Variants in CRB1 observed in about 807,000 individuals in gnomAD.
The protein encoded by CRB1 is crumbs cell polarity complex component 1.
A neutral mutation model predicts 120.0 loss-of-function variants in CRB1; 83 were observed. The ratio of observed to expected loss-of-function variants is 0.69; its 90% CI spans 0.58 to 0.83. The LOEUF (loss-of-function observed/expected upper bound fraction) is 0.83, where lower values mean the gene tolerates loss of function less well. CRB1 is among the 40% of genes least tolerant of loss of function. The pLI, the probability that CRB1 is intolerant of heterozygous loss-of-function variation, is 0.00. For missense variants in CRB1, 1,699 were observed against 1,687.6 expected, an observed-to-expected ratio of 1.01 and a Z score of -0.12; for synonymous variants, 625 against 612.5, an observed-to-expected ratio of 1.02 and a Z score of -0.30.
At chr1:197,203,836 T>C in the CRB1 span, among the ~76,000 whole-genome samples, 494 of 152,334 alleles carry the variant, frequency 3.2e-3, 1 homozygote, top group African/African-American at 0.011. Context: ...GAACAGGTGG[T>C]ATTTGGTTAC....
At position 197,460,339 on chromosome 1, in the gene CRB1, T is replaced by C. The variant is rs1329850585; in HGVS notation, c.4006-17325T>C. Among the ~76,000 whole-genome samples the C allele has an allele frequency of 2.0e-5, 3 of 152,202 alleles. No homozygotes were observed. In the East Asian group the frequency reaches 5.8e-4, roughly 29 times the overall value. ...GATCAATATAAAAGGTGCCTTATAC[T>C]GAGCAGTGGTTGGTTTGAACATTTC... On this transcript the variant is annotated intron_variant, in intron 11 of 11. Coordinates refer to ENST00000367400, the MANE Select transcript of CRB1 (RefSeq NM_201253.3).
chr1:197,397,503 C>A (rs1360148527), intron 5 of CRB1, among the ~76,000 whole-genome samples: 1 of 152,106 alleles, frequency 6.6e-6, no homozygotes, highest in East Asian at 1.9e-4. Context: ...TACCCAAAAG[C>A]CTGTACACAA....
chr1:197,405,756 C>G (rs1256005467), intron 5 of CRB1, among the ~76,000 whole-genome samples: 1 of 151,720 alleles, frequency 6.6e-6, no homozygotes, highest in Non-Finnish European at 1.5e-5. Flanking sequence ...AGACCCTCCG[C>G]CTGGCAACCG....
At chr1:197,418,160 CTCAA>C (rs2125462558) in intron 5 of CRB1, among the ~76,000 whole-genome samples, 1 of 152,176 alleles carries the variant, frequency 6.6e-6, no homozygotes, top group Non-Finnish European at 1.5e-5. Flanking sequence ...TAGTTTTACC[CTCAA>C]TCAAATACTT....
intron 5 of CRB1, among the ~76,000 whole-genome samples, chr1:197,404,557 G>A (rs1663244497): frequency 6.6e-6 from 1 of 151,092 alleles, no homozygotes; most frequent in African/African-American, 2.4e-5. Flanking sequence ...AGCACCTTTG[G>A]TTTTATGGTT....
the CRB1 span, among the ~76,000 whole-genome samples, chr1:197,240,230 T>A: frequency 1.3e-4 from 20 of 152,302 alleles, no homozygotes; most frequent in African/African-American, 2.2e-4. Context: ...AACTTTTTTT[T>A]AATTATACTT....
chr1:197,375,948 G>A (rs182003541), intron 5 of CRB1, among the ~76,000 whole-genome samples: 39 of 151,994 alleles, frequency 2.6e-4, no homozygotes, highest in Non-Finnish European at 3.4e-4. Context: ...TTGTTACTTC[G>A]GTGAAAACTT....
chr1:197,267,370 T>TA (rs1177322426), upstream of CRB1, among the ~76,000 whole-genome samples: 1 of 152,212 alleles, frequency 6.6e-6, no homozygotes, highest in Non-Finnish European at 1.5e-5. Flanking sequence ...ATAATATTGA[T>TA]AAAAAACATT....
At chr1:197,304,399 A>C in intron 1 of CRB1, 2 of 983,082 alleles carry the variant, frequency 2.0e-6, no homozygotes, top group Non-Finnish European at 2.4e-6. Context: ...TAGCAGTGGC[A>C]TGTGCTCAGG....
chr1:197,425,993 C>A (rs1664561592), intron 6 of CRB1, among the ~76,000 whole-genome samples: 1 of 151,312 alleles, frequency 6.6e-6, no homozygotes, highest in South Asian at 2.1e-4. Context: ...CCTGCCTGAA[C>A]CTCTATATCA....
At chr1:197,334,950 C>T (rs924913154) in intron 2 of CRB1, among the ~76,000 whole-genome samples, 26 of 152,130 alleles carry the variant, frequency 1.7e-4, no homozygotes, top group African/African-American at 5.3e-4. Flanking sequence ...AGGGTAATAA[C>T]TGCATGGAGA....
At chr1:197,238,691 C>T in the CRB1 span, among the ~76,000 whole-genome samples, 1 of 151,902 alleles carries the variant, frequency 6.6e-6, no homozygotes, top group South Asian at 2.1e-4. Flanking sequence ...ACTAAAAATA[C>T]AAAATTAGCC....
At chr1:197,307,210 G>T (rs1657225338) in intron 1 of CRB1, among the ~76,000 whole-genome samples, 1 of 152,118 alleles carries the variant, frequency 6.6e-6, no homozygotes, top group Non-Finnish European at 1.5e-5. Context: ...TTCAGACTAA[G>T]AATCAGTATT....
intron 5 of CRB1, among the ~76,000 whole-genome samples, chr1:197,380,294 T>C (rs567661074): frequency 3.3e-5 from 5 of 152,202 alleles, no homozygotes; most frequent in Admixed American, 2.0e-4. Flanking sequence ...TTTAGCATCA[T>C]TGACCTGGCC....
the CRB1 span, among the ~76,000 whole-genome samples, chr1:197,223,557 G>A: frequency 6.6e-6 from 1 of 152,036 alleles, no homozygotes; most frequent in Non-Finnish European, 1.5e-5. Context: ...ATTTAGAATA[G>A]CTTGTGTTAT....
the CRB1 span, among the ~76,000 whole-genome samples, chr1:197,238,896 A>G: frequency 6.6e-6 from 1 of 152,084 alleles, no homozygotes; most frequent in Non-Finnish European, 1.5e-5. Flanking sequence ...ATATCACAAA[A>G]GAACAAAAAC....
chr1:197,283,518 T>G (rs904513526), intron 1 of CRB1, among the ~76,000 whole-genome samples: 1 of 151,886 alleles, frequency 6.6e-6, no homozygotes, highest in Non-Finnish European at 1.5e-5. Flanking sequence ...CTGAGTTACT[T>G]CACTTAGAAT....
At chr1:197,441,351 G>A (rs575189400) in intron 10 of CRB1, 16 of 152,188 alleles carry the variant, frequency 1.1e-4, no homozygotes, top group East Asian at 9.7e-4. Flanking sequence ...CTTAATCCAT[G>A]AATATACAGA....
chr1:197,205,918 C>G, the CRB1 span, among the ~76,000 whole-genome samples: 2 of 150,872 alleles, frequency 1.3e-5, no homozygotes, highest in Non-Finnish European at 3.0e-5. Flanking sequence ...TTTAAATTAC[C>G]GTTTCAATTT....
Sources: allele counts gnomAD v4.1 joint callset (sites outside exome capture counted in the v4.1 genomes callset), GRCh38; gene constraint gnomAD v4.1.1; transcripts MANE v1.5; gene names NCBI Gene and HGNC (gene_info 2026-07-23, HGNC 2026-07-21).